HPS3: variants seen among roughly 807,000 people sequenced by gnomAD.
HPS3 encodes HPS3 biogenesis of lysosomal organelles complex 2 subunit 1, also known as BLOC-2 complex member HPS3.
HPS3 carries 79 observed loss-of-function variants against 110.9 expected under a neutral mutation model. The ratio of observed to expected loss-of-function variants is 0.71; its 90% CI spans 0.59 to 0.86. The LOEUF is 0.86. Ranked by LOEUF, HPS3 falls within the 40% of genes least tolerant of loss-of-function variation. The pLI, the probability that HPS3 is intolerant of heterozygous loss-of-function variation, is 0.00. For synonymous variants in HPS3, 428 were observed against 451.0 expected, an observed-to-expected ratio of 0.95 and a Z score of 0.65; for missense variants, 1,197 against 1,206.2, an observed-to-expected ratio of 0.99 and a Z score of 0.11.
intron 11 of HPS3, among the ~76,000 whole-genome samples, chr3:149,161,455 G>C (rs1723815249): frequency 8.4e-6 from 1 of 118,462 alleles, no homozygotes; most frequent in Non-Finnish European, 1.9e-5. Context: ...CATTGTTTAG[G>C]GAATAATAAT....
At chr3:149,146,847 G>A (rs1264165623) in intron 5 of HPS3, among the ~76,000 whole-genome samples, 2 of 152,216 alleles carry the variant, frequency 1.3e-5, no homozygotes, top group African/African-American at 4.8e-5. Flanking sequence ...TGCTTGAAAA[G>A]AGAGCTCAAG....
rs560080665 is a variant in HPS3, at chr3:149,165,945, C to T, written c.2590-1089C>T. The T allele has an allele frequency of 1.2e-4, 56 of 450,500 alleles. No individual in the cohort carries two copies. The highest frequency in any genetic ancestry group is 2.0e-4 in the Non-Finnish European group (46 of 224,874). 27.9% of individuals were successfully genotyped at this position (450,500 alleles called of 1,614,324 possible). ...AACTTGCAGGAAGAAAAGGTACCAA[C>T]CTTATTCTCCTGGTCATTCCTTGGT... On this transcript the variant is annotated intron_variant, in intron 14 of 16. Coordinates refer to ENST00000296051, the MANE Select transcript of HPS3 (RefSeq NM_032383.5).
intron 5 of HPS3, among the ~76,000 whole-genome samples, chr3:149,146,197 C>T (rs1270852016): frequency 1.3e-5 from 2 of 152,150 alleles, no homozygotes; most frequent in Non-Finnish European, 2.9e-5. Flanking sequence ...AGATTATGTT[C>T]AGGGCACTTC....
chr3:149,157,208 G>A, intron 8 of HPS3, 142 bp from the exon 9 acceptor site: 2 of 755,988 alleles, frequency 2.6e-6, no homozygotes, highest in Non-Finnish European at 4.4e-6. Context: ...TGTCAGAATG[G>A]TGAATAACCA....
chr3:149,134,341 C>T (rs1721950675), intron 1 of HPS3, among the ~76,000 whole-genome samples: 1 of 152,142 alleles, frequency 6.6e-6, no homozygotes, highest in Non-Finnish European at 1.5e-5. Flanking sequence ...GAGTAACAAA[C>T]TCACCACTTT....
intron 14 of HPS3, among the ~76,000 whole-genome samples, chr3:149,166,620 A>G (rs549334545): frequency 6.6e-6 from 1 of 152,226 alleles, no homozygotes; most frequent in South Asian, 2.1e-4. Flanking sequence ...ATATGTATTT[A>G]CTCATCCTTT....
At position 149,137,809 on chromosome 3, in the gene HPS3, G is replaced by T. The variant is rs1051643313; in HGVS notation, c.218-2195G>T. 1.2e-4 allele frequency among the ~76,000 whole-genome samples: 18 copies of T among 152,308 alleles called. No individual in the cohort carries two copies. The East Asian group carries it at 3.5e-3, about 29-fold the overall frequency. ...AGTATAATGGTGGTCTCACCCTGGGGAGAGGGAGGAATAGGGAATTATTAT... is the reference window on the plus strand; with the variant it reads ...AGTATAATGGTGGTCTCACCCTGGGTAGAGGGAGGAATAGGGAATTATTAT... On this transcript the variant is annotated intron_variant, in intron 1 of 16. Transcript: ENST00000296051.
At chr3:149,138,782 G>C (rs1214187942) in intron 1 of HPS3, among the ~76,000 whole-genome samples, 9 of 152,166 alleles carry the variant, frequency 5.9e-5, no homozygotes, top group Admixed American at 5.9e-4. Context: ...GCTGATAAAC[G>C]TAGGAAAAGA....
intron 1 of HPS3, among the ~76,000 whole-genome samples, chr3:149,131,957 G>C (rs570807577): frequency 1.3e-5 from 2 of 152,166 alleles, no homozygotes; most frequent in Non-Finnish European, 2.9e-5. Context: ...TTAAGCCCAG[G>C]CTTAATACAG....
intron 5 of HPS3, among the ~76,000 whole-genome samples, chr3:149,149,544 C>CCT (rs1479334004): frequency 6.6e-6 from 1 of 152,116 alleles, no homozygotes; most frequent in African/African-American, 2.4e-5. Context: ...GGCCTGACTA[C>CCT]CTCTTAAATT....
intron 5 of HPS3, among the ~76,000 whole-genome samples, chr3:149,149,893 G>A (rs368488347): frequency 1.3e-5 from 2 of 152,170 alleles, no homozygotes; most frequent in African/African-American, 2.4e-5. Flanking sequence ...GAGTCCCTAG[G>A]TCCTTTTTGT....
At chr3:149,138,824 T>C (rs1191573088) in intron 1 of HPS3, among the ~76,000 whole-genome samples, 1 of 152,242 alleles carries the variant, frequency 6.6e-6, no homozygotes, top group Non-Finnish European at 1.5e-5. Context: ...CTAGGAAATG[T>C]AAATTATAAT....
rs1352957239 is a variant in HPS3, at chr3:149,157,513, T to G, written c.1673T>G (p.Leu558Arg). ...GCATTTAAGGAAAGCTGTGGGCACC[T>G]TGGGGACTGTTACAGCAGGTGGGTG... Reference protein sequence around the residue: ...LEAFKESCGHLGDCYSRLDSQ... With the variant: ...LEAFKESCGHRGDCYSRLDSQ... Residue 558 changes from leucine to arginine, a missense_variant, in exon 9 of 17, where the codon CTT becomes CGT. Coordinates refer to ENST00000296051, the MANE Select transcript of HPS3 (RefSeq NM_032383.5). 1 of 1,613,654 alleles carries G rather than the reference T, an allele frequency of 6.2e-7. No homozygotes were observed. Among genetic ancestry groups the G allele is most frequent in the Admixed American group, 1.7e-5 (1 of 59,926 alleles).
At chr3:149,129,979 G>A (rs1048968233) in intron 1 of HPS3, 39 bp downstream of exon 1, 5 of 1,510,140 alleles carry the variant, frequency 3.3e-6, no homozygotes, top group Non-Finnish European at 3.6e-6. Context: ...CTGGGGTCCA[G>A]CTTGAGGCCT....
rs753183516 is a variant in HPS3 at position 149,141,291 on chromosome 3, A to G, written c.885-4A>G. On this transcript the variant is annotated splice_region_variant and splice_polypyrimidine_tract_variant and intron_variant, in intron 3 of 16. Transcript: ENST00000296051. ...TCCCTTTCTCTGTCTTTTTAAACCC[A>G]CAGACGTTTTGCTCCTGATATTTCG... The G allele has an allele frequency of 6.2e-7, 1 of 1,613,036 alleles. No homozygotes were observed. Among genetic ancestry groups the G allele is most frequent in the Non-Finnish European group, 8.5e-7 (1 of 1,179,674 alleles).
chr3:149,158,615 C>T lies in HPS3; in HGVS notation c.1692-51C>T, dbSNP rs1032023099. 6 of 1,517,488 alleles carry T rather than the reference C, an allele frequency of 4.0e-6. No homozygotes were observed. The African/African-American group carries it at 8.2e-5, about 21-fold the overall frequency. The allele number at this position is 1,517,488 out of a possible 1,614,324, so 94.0% of individuals were successfully genotyped here. On this transcript the variant is annotated intron_variant, in intron 9 of 16. Transcript: ENST00000296051. ...TCAGTCTGGGCAACATAGTGAGACC[C>T]CGTCTTTAAAAAAGTGACAAATTTG...
chr3:149,159,246 A>G (rs1723644998), intron 10 of HPS3, among the ~76,000 whole-genome samples: 1 of 152,190 alleles, frequency 6.6e-6, no homozygotes, highest in Admixed American at 6.5e-5. Context: ...ACCTTAGGCC[A>G]GTGACCTAAA....
In HPS3 at chr3:149,157,437, C is replaced by T. The variant is rs771019817; in HGVS notation, c.1597C>T (p.Leu533=). ...GGCTCATCTGTTAGTGCGAGCTGCCCTGATGGATGCCAGTCAGCTGGAACC... is the reference window on the plus strand; with the variant it reads ...GGCTCATCTGTTAGTGCGAGCTGCCTTGATGGATGCCAGTCAGCTGGAACC... The part of the protein sequence containing the change: ...SEAHLLVRAA[L]MDASQLEPGE... Residue 533 remains leucine, a synonymous_variant, in exon 9 of 17, where the codon CTG becomes TTG. Transcript: ENST00000296051. 2.5e-6 allele frequency: 4 copies of T among 1,613,838 alleles called. No individual in the cohort carries two copies. The East Asian group carries it at 8.9e-5, about 36-fold the overall frequency.
At chr3:149,141,427 GCT>G (rs1444732838) in intron 4 of HPS3, 47 bp downstream of exon 4, 1 of 1,484,666 alleles carries the variant, frequency 6.7e-7, no homozygotes, top group Admixed American at 1.7e-5. Flanking sequence ...AGGTGAAAAT[GCT>G]CTGTCTGGGC....
Sources: allele counts gnomAD v4.1 joint callset (sites outside exome capture counted in the v4.1 genomes callset), GRCh38; gene constraint gnomAD v4.1.1; transcripts MANE v1.5; gene names NCBI Gene and HGNC (gene_info 2026-07-23, HGNC 2026-07-21).